The following PARP8 variants were observed in gnomAD, a reference collection of about 807,000 sequenced individuals.
The protein encoded by PARP8 is protein mono-ADP-ribosyltransferase PARP8.
Under a neutral mutation model 124.1 loss-of-function variants are expected in PARP8, and 51 were observed. The ratio of observed to expected loss-of-function variants is 0.41; its 90% CI spans 0.33 to 0.52. The LOEUF is 0.52. Ranked by LOEUF, PARP8 falls within the 20% of genes least tolerant of loss-of-function variation. The pLI, the probability that PARP8 is intolerant of heterozygous loss-of-function variation, is 0.21. For synonymous variants in PARP8, 391 were observed against 361.5 expected, an observed-to-expected ratio of 1.08 and a Z score of -0.93; for missense variants, 860 against 1,018.9, an observed-to-expected ratio of 0.84 and a Z score of 2.12.
chr5:50,762,541 TA>T (rs1476288883), intron 6 of PARP8, among the ~76,000 whole-genome samples: 1 of 152,170 alleles, frequency 6.6e-6, no homozygotes, highest in African/African-American at 2.4e-5. Context: ...ATGTGCTTTA[TA>T]AGTTGGATAG....
chr5:50,774,160 G>T (rs1035310215), intron 7 of PARP8, among the ~76,000 whole-genome samples: 2 of 152,158 alleles, frequency 1.3e-5, no homozygotes, highest in African/African-American at 2.4e-5. Context: ...TGGGGGTAAG[G>T]TTATAGATTA....
At chr5:50,754,453 G>A (rs375488948) in intron 3 of PARP8, among the ~76,000 whole-genome samples, 40 of 151,666 alleles carry the variant, frequency 2.6e-4, no homozygotes, top group Middle Eastern at 3.4e-3. Flanking sequence ...TTGTCCTTGC[G>A]ATAGTTTGCT....
Position 50,829,837 on chromosome 5 carries a change from T to C in PARP8, c.2164-55T>C, listed in dbSNP as rs1265178462. The C allele has an allele frequency of 2.7e-6, 4 of 1,485,294 alleles. No individual in the cohort carries two copies. In the East Asian group the frequency reaches 9.3e-5, roughly 35 times the overall value. 92.0% of individuals were successfully genotyped at this position (1,485,294 alleles called of 1,614,324 possible). A position where few individuals can be genotyped will look rare whatever the true frequency, so the allele number is the denominator to read the frequency against. On this transcript the variant is annotated intron_variant, in intron 21 of 25. Coordinates refer to ENST00000281631, the MANE Select transcript of PARP8 (RefSeq NM_024615.4). ...ATGAAACTGATTGCTTTGTCAAATA[T>C]TATCATTTAAACCATGAACAGACCT...
At chr5:50,736,747 T>C (rs1349198345) in intron 2 of PARP8, among the ~76,000 whole-genome samples, 1 of 152,162 alleles carries the variant, frequency 6.6e-6, no homozygotes, top group East Asian at 1.9e-4. Flanking sequence ...TTTTTTGCCC[T>C]TTTTCAAGGT....
intron 2 of PARP8, among the ~76,000 whole-genome samples, chr5:50,695,010 C>T (rs1039536302): frequency 5.3e-5 from 8 of 152,154 alleles, no homozygotes; most frequent in Admixed American, 5.2e-4. Context: ...TCTAGCCGTG[C>T]TGGTAGTTGA....
chr5:50,814,504 A>T (rs565629828), intron 14 of PARP8, among the ~76,000 whole-genome samples: 36 of 151,894 alleles, frequency 2.4e-4, no homozygotes, highest in Non-Finnish European at 4.4e-4. Context: ...ATATAGATTC[A>T]TTTTTTTTCC....
intron 2 of PARP8, among the ~76,000 whole-genome samples, chr5:50,684,134 A>G (rs1045502771): frequency 2.0e-5 from 3 of 152,332 alleles, no homozygotes; most frequent in African/African-American, 7.2e-5. Context: ...TGAAAATATT[A>G]ATCTTTCTTC....
rs1481366927 is a variant in PARP8, at chr5:50,770,718, A to AAC, written c.519-7351_519-7350insAC. ...AAGCAAAGAAAGAAAGGAGAGAGAA[A>AAC]GAAAACGAAGGAAAGAAAGAGAAAG... is the stretch of plus-strand genomic sequence containing the variant. On this transcript the variant is annotated intron_variant, in intron 7 of 25. Coordinates refer to ENST00000281631, the MANE Select transcript of PARP8 (RefSeq NM_024615.4). 6.0e-3 allele frequency among the ~76,000 whole-genome samples: 833 copies of AAC among 137,990 alleles called. 6 individuals carry two copies. Among genetic ancestry groups the AAC allele is most frequent in the African/African-American group, 0.025 (780 of 31,442 alleles). The allele number at this position is 137,990 out of a possible 152,430, so 90.5% of individuals were successfully genotyped here.
At position 50,778,194 on chromosome 5, in the gene PARP8, GA is replaced by G. The variant is rs533041611; in HGVS notation, c.579+68del. 2.8e-4 allele frequency: 342 copies of G among 1,242,464 alleles called. 2 individuals are homozygous for G. The African/African-American group carries it at 3.6e-3, about 13-fold the overall frequency. 77.0% of individuals were successfully genotyped at this position (1,242,464 alleles called of 1,614,324 possible). A position where few individuals can be genotyped will look rare whatever the true frequency, so the allele number is the denominator to read the frequency against. On this transcript the variant is annotated intron_variant, in intron 8 of 25. Transcript: ENST00000281631. ...AATACATTTTATTTTATTTTTGGGG[GA>G]AATTTAATTTTCAGTTTTGTCTTAT...
At chr5:50,711,712 A>C (rs556338355) in intron 2 of PARP8, among the ~76,000 whole-genome samples, 8 of 152,184 alleles carry the variant, frequency 5.3e-5, no homozygotes, top group Non-Finnish European at 1.2e-4. Flanking sequence ...CCCATAATCC[A>C]ACATACATTT....
At chr5:50,748,845 CT>C (rs1289546968) in intron 2 of PARP8, among the ~76,000 whole-genome samples, 1 of 152,174 alleles carries the variant, frequency 6.6e-6, no homozygotes, top group Non-Finnish European at 1.5e-5. Context: ...ATTTTCTGAG[CT>C]TCTTTATTCA....
rs1580501521 is a variant in PARP8 at position 50,832,963 on chromosome 5, T to C, written c.2307+109T>C. On this transcript the variant is annotated intron_variant, in intron 23 of 25. Transcript: ENST00000281631. ...AAGTCTGAAAAATTATTTAATGTGG[T>C]CATTACTTATAAAGGAATAAAACTC... is the stretch of plus-strand genomic sequence containing the variant. 3 of 908,108 alleles carry C rather than the reference T, an allele frequency of 3.3e-6. 1 individual carries two copies. The Admixed American group carries it at 7.0e-5, about 21-fold the overall frequency. 56.3% of individuals were successfully genotyped at this position (908,108 alleles called of 1,614,324 possible).
In PARP8 at chr5:50,794,265, C is replaced by T. The variant is rs747616818; in HGVS notation, c.796C>T (p.Leu266=). The T allele has an allele frequency of 6.2e-7, 1 of 1,613,600 alleles. No homozygotes were observed. The highest frequency in any genetic ancestry group is 1.7e-5 in the Admixed American group (1 of 60,002). Residue 266 remains leucine (L), a synonymous_variant, in exon 11 of 26, where the codon CTG becomes TTG. Coordinates refer to ENST00000281631, the MANE Select transcript of PARP8 (RefSeq NM_024615.4). The stretch of plus-strand genomic sequence containing the variant: ...ACAGAGCAAAGAAAAATCCAATTGC[C>T]TGCACAATAAAAAGTTGTCAGAGAA... The part of the protein sequence containing the change: ...WKQSKEKSNC[L]HNKKLSEKKV...
rs573027894 is a variant in PARP8 at position 50,793,299 on chromosome 5, C to T, written c.738-908C>T. The stretch of plus-strand genomic sequence containing the variant: ...AGTTATTTTTGAAGAAAAAGAAACA[C>T]ATTTAATTTATTGCATGCTTGATGT... On this transcript the variant is annotated intron_variant, in intron 10 of 25. Coordinates refer to ENST00000281631, the MANE Select transcript of PARP8 (RefSeq NM_024615.4). Among the ~76,000 whole-genome samples, 20 of 152,234 alleles carry T rather than the reference C, an allele frequency of 1.3e-4. No homozygotes were observed. The East Asian group carries it at 3.7e-3, about 28-fold the overall frequency.
At chr5:50,830,182 T>C (rs1395130853) in intron 22 of PARP8, among the ~76,000 whole-genome samples, 1 of 152,166 alleles carries the variant, frequency 6.6e-6, no homozygotes, top group Non-Finnish European at 1.5e-5. Context: ...TTTAAAAAAA[T>C]ATTTAATATT....
intron 14 of PARP8, among the ~76,000 whole-genome samples, chr5:50,809,821 A>G (rs907963870): frequency 1.3e-5 from 2 of 150,962 alleles, no homozygotes; most frequent in African/African-American, 2.4e-5. Context: ...CAAAAAGACC[A>G]TGGCAAAAAT....
At chr5:50,812,033 G>C (rs1744514411) in intron 14 of PARP8, among the ~76,000 whole-genome samples, 2 of 152,144 alleles carry the variant, frequency 1.3e-5, no homozygotes, top group Admixed American at 1.3e-4. Flanking sequence ...ATTGTGAATA[G>C]TGCTGCAATA....
chr5:50,684,470 A>T (rs1751634184), intron 2 of PARP8, among the ~76,000 whole-genome samples: 1 of 151,940 alleles, frequency 6.6e-6, no homozygotes, highest in African/African-American at 2.4e-5. Context: ...AAAATGCTGG[A>T]TTGAGAATAA....
At chr5:50,838,632 A>G (rs1470647925) in intron 25 of PARP8, among the ~76,000 whole-genome samples, 1 of 152,098 alleles carries the variant, frequency 6.6e-6, no homozygotes, top group Non-Finnish European at 1.5e-5. Flanking sequence ...TCCCTAAAGC[A>G]GTGTTTTGAT....
Sources: allele counts gnomAD v4.1 joint callset (sites outside exome capture counted in the v4.1 genomes callset), GRCh38; gene constraint gnomAD v4.1.1; transcripts MANE v1.5; gene names NCBI Gene and HGNC (gene_info 2026-07-23, HGNC 2026-07-21).